The following FNDC3B variants were observed in gnomAD, a reference collection of about 807,000 sequenced individuals.
The protein encoded by FNDC3B is fibronectin type III domain containing 3B.
In FNDC3B, 12 loss-of-function variants were observed where a neutral mutation model predicts 151.5. That is an observed-to-expected ratio of 0.08 (90% CI 0.05 to 0.13). The LOEUF (loss-of-function observed/expected upper bound fraction) is 0.13. FNDC3B is among the 10% of genes least tolerant of loss of function. The pLI is 1.00. For missense variants in FNDC3B, 1,214 were observed against 1,505.3 expected (o/e 0.81, Z 3.20); for synonymous variants, 528 against 549.0 (o/e 0.96, Z 0.54).
At chr3:172,120,293 T>C (rs1720468099) in intron 2 of FNDC3B, among the ~76,000 whole-genome samples, 1 of 152,188 alleles carries the variant, frequency 6.6e-6, no homozygotes, top group Non-Finnish European at 1.5e-5. Context: ...AATACTGGCA[T>C]GGTAGCATTG....
intron 1 of FNDC3B, among the ~76,000 whole-genome samples, chr3:172,093,560 A>G (rs768571673): frequency 2.6e-5 from 4 of 151,986 alleles, no homozygotes; most frequent in Non-Finnish European, 5.9e-5. Flanking sequence ...GCCCGGCCCC[A>G]TCTAATTTTT....
chr3:172,296,431 C>G (rs1417759520), intron 8 of FNDC3B, among the ~76,000 whole-genome samples: 1 of 152,234 alleles, frequency 6.6e-6, no homozygotes, highest in East Asian at 1.9e-4. Flanking sequence ...AGCCCTGTGG[C>G]TGCTGTGTCC....
intron 22 of FNDC3B, among the ~76,000 whole-genome samples, chr3:172,356,703 C>A (rs546845516): frequency 6.6e-6 from 1 of 152,128 alleles, no homozygotes; most frequent in African/African-American, 2.4e-5. Context: ...CCATCTTTTC[C>A]CCACCAAAAG....
In FNDC3B at chr3:172,040,904, T is replaced by G. The variant is rs1214366581; in HGVS notation, c.-29+1133T>G. On this transcript the variant is annotated intron_variant, in intron 1 of 25. Coordinates refer to ENST00000415807, the MANE Select transcript of FNDC3B (RefSeq NM_022763.4). The surrounding 1 kb of genome is among the most constrained non-coding windows in gnomAD (Gnocchi z 6.6). ...GGGCTGCGCCGCCCGGCGGCGCCTT[T>G]GGCGGGGAGGCTTCCAGGAGTGCGC... Among the ~76,000 whole-genome samples the G allele has an allele frequency of 1.3e-5, 2 of 152,108 alleles. No individual in the cohort carries two copies. The highest frequency in any genetic ancestry group is 2.9e-5 in the Non-Finnish European group (2 of 67,976).
At chr3:172,237,149 G>C (rs1175000502) in intron 4 of FNDC3B, among the ~76,000 whole-genome samples, 3 of 152,204 alleles carry the variant, frequency 2.0e-5, no homozygotes, top group Admixed American at 2.0e-4. Flanking sequence ...AATAAAGCCT[G>C]TCGGTAAGAT....
At chr3:172,275,031 G>A (rs1191704430) in intron 6 of FNDC3B, among the ~76,000 whole-genome samples, 1 of 152,000 alleles carries the variant, frequency 6.6e-6, no homozygotes, top group Non-Finnish European at 1.5e-5. Context: ...CCTCTTGTGT[G>A]TTTTTATTTC....
chr3:172,070,568 G>A (rs1232645915), intron 1 of FNDC3B, among the ~76,000 whole-genome samples: 1 of 152,262 alleles, frequency 6.6e-6, no homozygotes, highest in South Asian at 2.1e-4. Flanking sequence ...CTAGCACTCC[G>A]GCTACTGACT....
chr3:172,380,055 T>C lies in FNDC3B; in HGVS notation c.3176-911T>C, dbSNP rs941329872. ...GAATTTTGGCCTAGTATTTCCAGCG[T>C]AGGCTCCTTTTCTTCTTCTTCTTTT... On this transcript the variant is annotated intron_variant, in intron 24 of 25. Transcript: ENST00000415807. Among the ~76,000 whole-genome samples, 5 of 142,590 alleles carry C rather than the reference T, an allele frequency of 3.5e-5. 1 individual carries two copies. The South Asian group carries it at 1.1e-3, about 32-fold the overall frequency. 93.5% of individuals were successfully genotyped at this position (142,590 alleles called of 152,430 possible).
intron 3 of FNDC3B, among the ~76,000 whole-genome samples, chr3:172,206,740 G>A (rs1725455884): frequency 6.7e-6 from 1 of 148,968 alleles, no homozygotes; most frequent in African/African-American, 2.5e-5. Flanking sequence ...AATAAAAATA[G>A]GTCACACTTT....
intron 10 of FNDC3B, among the ~76,000 whole-genome samples, chr3:172,309,296 C>A (rs1228792653): frequency 6.6e-6 from 1 of 152,188 alleles, no homozygotes; most frequent in Non-Finnish European, 1.5e-5. Flanking sequence ...CACTAAAGAT[C>A]TGACATCTTT....
intron 7 of FNDC3B, among the ~76,000 whole-genome samples, chr3:172,288,317 G>T (rs896290760): frequency 2.6e-5 from 4 of 152,226 alleles, no homozygotes; most frequent in Admixed American, 6.5e-5. Flanking sequence ...CTGGGCAGGG[G>T]CCTGGACCTG....
chr3:172,344,004 CT>C (rs746134128), intron 18 of FNDC3B, 81 bp from the exon 19 acceptor site: 19 of 1,341,350 alleles, frequency 1.4e-5, no homozygotes, highest in Non-Finnish European at 1.9e-5. Flanking sequence ...TGATATTTTG[CT>C]CAACTTGTGT....
At chr3:172,261,781 C>T (rs1214752999) in intron 6 of FNDC3B, among the ~76,000 whole-genome samples, 1 of 152,150 alleles carries the variant, frequency 6.6e-6, no homozygotes, top group Non-Finnish European at 1.5e-5. Context: ...TGAAATGCTC[C>T]CCATAGTTGA....
At chr3:172,327,893 T>C (rs968455126) in intron 11 of FNDC3B, among the ~76,000 whole-genome samples, 1 of 152,258 alleles carries the variant, frequency 6.6e-6, no homozygotes, top group Non-Finnish European at 1.5e-5. Context: ...AATTGAGAAC[T>C]TCAGACACAT....
At chr3:172,346,688 T>A (rs1733632606) in intron 20 of FNDC3B, among the ~76,000 whole-genome samples, 1 of 152,024 alleles carries the variant, frequency 6.6e-6, no homozygotes. Flanking sequence ...TTGTAAAAAA[T>A]TTTATTTTAT....
chr3:172,353,748 A>C (rs559303116), intron 22 of FNDC3B, among the ~76,000 whole-genome samples: 1 of 152,346 alleles, frequency 6.6e-6, no homozygotes, highest in African/African-American at 2.4e-5. Context: ...TTGGATAGTA[A>C]AACCTCAAGA....
intron 1 of FNDC3B, among the ~76,000 whole-genome samples, chr3:172,079,312 A>G (rs191333182): frequency 1.3e-5 from 2 of 152,200 alleles, no homozygotes; most frequent in African/African-American, 4.8e-5. Context: ...CGTGGTCCTC[A>G]TGCTTGTTAA....
chr3:172,131,752 G>T (rs1721113643), intron 2 of FNDC3B, among the ~76,000 whole-genome samples: 1 of 152,166 alleles, frequency 6.6e-6, no homozygotes, highest in African/African-American at 2.4e-5. Flanking sequence ...ATTTAAAGAT[G>T]AAATGGTTTT....
At chr3:172,304,459 G>T (rs768812399) in intron 9 of FNDC3B, among the ~76,000 whole-genome samples, 1 of 152,250 alleles carries the variant, frequency 6.6e-6, no homozygotes, top group Non-Finnish European at 1.5e-5. Flanking sequence ...GCTAAACTGG[G>T]TTGGGTAAGG....
Sources: allele counts gnomAD v4.1 joint callset (sites outside exome capture counted in the v4.1 genomes callset), GRCh38; gene constraint gnomAD v4.1.1; non-coding constraint Gnocchi (gnomAD v3.1); transcripts MANE v1.5; gene names NCBI Gene and HGNC (gene_info 2026-07-23, HGNC 2026-07-21).